NBPF15: variants seen among roughly 807,000 people sequenced by gnomAD.
NBPF15 encodes the protein NBPF member 15.
NBPF15 carries 74 observed loss-of-function variants against 62.2 expected under a neutral mutation model. The ratio of observed to expected loss-of-function variants is 1.19; its 90% confidence interval spans 0.99 to 1.44. NBPF15 has a LOEUF of 1.44. Among genes scored for constraint, NBPF15 ranks in the 40% most tolerant of loss-of-function variants. The pLI is 0.00. For synonymous variants in NBPF15, 244 were observed against 209.7 expected, an observed-to-expected ratio of 1.16 and a Z score of -1.41; for missense variants, 790 against 550.0, an observed-to-expected ratio of 1.44 and a Z score of -4.36.
rs587773476 is a variant in NBPF15, at chr1:144,428,118, C to G, written c.1041-128G>C. The G allele has an allele frequency of 0.01, 7,014 of 674,866 alleles. 293 individuals are homozygous for G. In the African/African-American group the frequency reaches 0.11, roughly 11 times the overall value. 41.8% of individuals were successfully genotyped at this position (674,866 alleles called of 1,614,324 possible). ...AAGGACAGATCCATTAATGAGGTAA[C>G]AAATTATTGCCTTTATGTTGGGATA... On this transcript the variant is annotated intron_variant, in intron 15 of 21. Coordinates refer to ENST00000581897, the MANE Select transcript of NBPF15 (RefSeq NM_001385408.1).
At chr1:144,448,350 C>T (rs1302438033) in intron 6 of NBPF15, among the ~76,000 whole-genome samples, 1 of 151,994 alleles carries the variant, frequency 6.6e-6, no homozygotes. Context: ...TCCAGACATT[C>T]CTGGTGGTAT....
At chr1:144,453,662 AGTG>A (rs1692646193) in intron 4 of NBPF15, among the ~76,000 whole-genome samples, 16 of 86,770 alleles carry the variant, frequency 1.8e-4, no homozygotes, top group Non-Finnish European at 2.7e-4. Context: ...AAAAAAAAAA[AGTG>A]AAACATCTGA....
chr1:144,448,325 C>A (rs61812372), intron 6 of NBPF15, among the ~76,000 whole-genome samples: 3 of 151,178 alleles, frequency 2.0e-5, no homozygotes, highest in African/African-American at 7.4e-5. Flanking sequence ...AGTTGAAAAA[C>A]CTTTGTCTAC....
chr1:144,445,208 C>A (rs1226949924), intron 6 of NBPF15, among the ~76,000 whole-genome samples: 1 of 145,570 alleles, frequency 6.9e-6, no homozygotes, highest in Non-Finnish European at 1.5e-5. Flanking sequence ...TTTCAATGTG[C>A]TGTTTATCTT....
In NBPF15 at chr1:144,439,860, G is replaced by A. The variant is rs1179530056; in HGVS notation, c.144C>T (p.Ala48=). ...TCTTCTGTCGGTTGGCCAGGAAGCC[G>A]GCCAGTTGAGTTAGAAAACATTTCT... is the stretch of plus-strand genomic sequence containing the variant. ...LKEKCFLTQL[A]GFLANRQKKY... The change falls in exon 8 of 22, where the codon GCC becomes GCT. Residue 48 remains alanine (A), a synonymous_variant. Coordinates refer to ENST00000581897, the MANE Select transcript of NBPF15 (RefSeq NM_001385408.1). 171 of 1,609,142 alleles carry A rather than the reference G, an allele frequency of 1.1e-4. 2 individuals are homozygous for A. The highest frequency in any genetic ancestry group is 6.6e-4 in the African/African-American group (49 of 74,734).
intron 18 of NBPF15, 52 bp downstream of exon 18, chr1:144,426,226 C>A (rs1371747758): frequency 3.5e-6 from 2 of 578,190 alleles, no homozygotes; most frequent in Non-Finnish European, 5.9e-6. Flanking sequence ...GAATATCACC[C>A]CTATCTGGAA....
At chr1:144,458,140 C>T (rs1220453981) in intron 3 of NBPF15, among the ~76,000 whole-genome samples, 2 of 151,908 alleles carry the variant, frequency 1.3e-5, no homozygotes, top group African/African-American at 4.8e-5. Flanking sequence ...ATGTAGAATA[C>T]TATTGTTTAC....
intron 10 of NBPF15, among the ~76,000 whole-genome samples, chr1:144,436,607 C>A (rs1352172298): frequency 6.6e-6 from 1 of 152,010 alleles, no homozygotes; most frequent in African/African-American, 2.4e-5. Flanking sequence ...CTCTAACAAG[C>A]CTGCTCCCAT....
At chr1:144,442,418 T>TTATA (rs1347744394) in intron 6 of NBPF15, among the ~76,000 whole-genome samples, 18 of 141,962 alleles carry the variant, frequency 1.3e-4, no homozygotes, top group Non-Finnish European at 6.1e-5. Context: ...TGTATATATA[T>TTATA]TATATATATA....
chr1:144,424,101 T>C (rs587763936), intron 20 of NBPF15, 126 bp from the exon 21 acceptor site: 3 of 748,244 alleles, frequency 4.0e-6, no homozygotes, highest in South Asian at 1.4e-5. Flanking sequence ...CCATGAGAGA[T>C]ATATTTCAGG....
rs1449911845 is a variant in NBPF15 at position 144,429,394 on chromosome 1, G to A, written c.988+306C>T. Among the ~76,000 whole-genome samples, 582 of 149,200 alleles carry A rather than the reference G, an allele frequency of 3.9e-3. 7 individuals carry two copies. Among genetic ancestry groups the A allele is most frequent in the African/African-American group, 0.014 (549 of 38,772 alleles). ...TTCAGATGAGCTGAGCTGACAGACA[G>A]CTCCTGGGCATGTGCTGCATAGTTT... On this transcript the variant is annotated intron_variant, in intron 14 of 21. Coordinates refer to ENST00000581897, the MANE Select transcript of NBPF15 (RefSeq NM_001385408.1).
intron 19 of NBPF15, among the ~76,000 whole-genome samples, chr1:144,425,073 C>G (rs1226958089): frequency 9.1e-5 from 13 of 142,078 alleles, no homozygotes; most frequent in Admixed American, 1.4e-4. Context: ...CACACACACA[C>G]ACACACACAC....
chr1:144,455,175 G>T (rs587740267), intron 4 of NBPF15, among the ~76,000 whole-genome samples: 1 of 147,988 alleles, frequency 6.8e-6, no homozygotes, highest in Non-Finnish European at 1.5e-5. Context: ...GAGGGAGAGA[G>T]GAAGGGAGGA....
At chr1:144,430,985 G>T (rs1198227295) in intron 13 of NBPF15, among the ~76,000 whole-genome samples, 1 of 151,938 alleles carries the variant, frequency 6.6e-6, no homozygotes, top group East Asian at 1.9e-4. Context: ...AGTGATTCAA[G>T]ATCAAATTAA....
chr1:144,428,236 A>G (rs79726668), intron 15 of NBPF15, among the ~76,000 whole-genome samples: 2,130 of 151,380 alleles, frequency 0.014, 48 homozygotes, highest in African/African-American at 0.049. Context: ...TGAATTGGTC[A>G]GGTGACACAC....
chr1:144,443,560 G>A (rs1300662969), intron 6 of NBPF15, among the ~76,000 whole-genome samples: 4 of 151,830 alleles, frequency 2.6e-5, no homozygotes, highest in Admixed American at 6.6e-5. Flanking sequence ...TCCAATCAAT[G>A]AACATGATAT....
Position 144,427,716 on chromosome 1 carries a change from G to T in NBPF15, c.1213+102C>A, listed in dbSNP as rs879981861. ...CATGTGCCTATAGGTCCTCCCTGTG[G>T]CAATGACATCTCTCAGCTCAGTAAG... On this transcript the variant is annotated intron_variant, in intron 16 of 21. Coordinates refer to ENST00000581897, the MANE Select transcript of NBPF15 (RefSeq NM_001385408.1). 569 of 613,848 alleles carry T rather than the reference G, an allele frequency of 9.3e-4. 13 individuals are homozygous for T. In the South Asian group the frequency reaches 0.011, roughly 12 times the overall value. The allele number at this position is 613,848 out of a possible 1,614,324, so 38.0% of individuals were successfully genotyped here.
intron 21 of NBPF15, among the ~76,000 whole-genome samples, 165 bp downstream of exon 21, chr1:144,423,705 G>T (rs1424014174): frequency 6.6e-6 from 1 of 151,908 alleles, no homozygotes; most frequent in Non-Finnish European, 1.5e-5. Context: ...AGGGGAGGAA[G>T]AAATGGAAAC....
chr1:144,442,430 A>AT (rs1269222456), intron 6 of NBPF15, among the ~76,000 whole-genome samples: 2 of 143,306 alleles, frequency 1.4e-5, no homozygotes, highest in Non-Finnish European at 1.5e-5. Flanking sequence ...ATATATATAT[A>AT]TTTTTTTCTT....
Sources: gnomAD v4.1 joint callset for allele counts (sites outside exome capture counted in the v4.1 genomes callset) on GRCh38, gnomAD v4.1.1 for gene constraint, MANE v1.5 for transcripts, NCBI Gene and HGNC (gene_info 2026-07-23, HGNC 2026-07-21) for gene names.